Variants in SIPA1L2 observed in about 807,000 individuals in gnomAD.
SIPA1L2 encodes signal-induced proliferation-associated 1-like protein 2.
In SIPA1L2, 56 loss-of-function variants were observed where a neutral mutation model predicts 163.9. The observed-to-expected ratio is 0.34, with a 90% CI of 0.28 to 0.43. The LOEUF (loss-of-function observed/expected upper bound fraction) is 0.43. SIPA1L2 is among the 20% of genes least tolerant of loss of function. The pLI is 1.00. For synonymous variants in SIPA1L2, 877 were observed against 865.7 expected (o/e 1.01, Z -0.23); for missense variants, 1,974 against 2,193.5 (o/e 0.90, Z 2.00).
chr1:232,462,880 A>G (rs1211091657), intron 9 of SIPA1L2, among the ~76,000 whole-genome samples: 7 of 151,816 alleles, frequency 4.6e-5, no homozygotes, highest in Admixed American at 1.3e-4. Flanking sequence ...CACCTCCCCT[A>G]CTTTGTCTTT....
intron 15 of SIPA1L2, among the ~76,000 whole-genome samples, chr1:232,435,796 T>C (rs1662527326): frequency 6.6e-6 from 1 of 152,222 alleles, no homozygotes; most frequent in African/African-American, 2.4e-5. Context: ...AGGCTAGATA[T>C]ATGCTTGTTC....
intron 22 of SIPA1L2, among the ~76,000 whole-genome samples, chr1:232,400,434 G>A (rs1045269541): frequency 2.2e-4 from 34 of 152,092 alleles, no homozygotes; most frequent in Admixed American, 2.0e-3. Context: ...TTTCGTCTTC[G>A]TGCTCTAAGT....
chr1:232,453,928 G>A (rs1350276058), intron 10 of SIPA1L2, among the ~76,000 whole-genome samples: 1 of 152,062 alleles, frequency 6.6e-6, no homozygotes, highest in Non-Finnish European at 1.5e-5. Flanking sequence ...AGGGATTAAA[G>A]TAATCACTGA....
chr1:232,583,691 G>C (rs938592284), intron 1 of SIPA1L2, among the ~76,000 whole-genome samples: 5 of 152,156 alleles, frequency 3.3e-5, no homozygotes, highest in African/African-American at 1.2e-4. Flanking sequence ...CTATTTTAAG[G>C]ACAGCTACTA....
chr1:232,532,060 T>C (rs986366381), intron 2 of SIPA1L2, among the ~76,000 whole-genome samples: 3 of 152,108 alleles, frequency 2.0e-5, no homozygotes, highest in Non-Finnish European at 4.4e-5. Context: ...GACTTAGCCA[T>C]TCTGTTTGCG....
chr1:232,589,210 A>C (rs1193278449), intron 1 of SIPA1L2, among the ~76,000 whole-genome samples: 1 of 152,238 alleles, frequency 6.6e-6, no homozygotes, highest in Admixed American at 6.5e-5. Context: ...TCATTAAGCC[A>C]AATACGTATT....
intron 2 of SIPA1L2, among the ~76,000 whole-genome samples, chr1:232,521,364 T>A (rs1238440043): frequency 6.6e-6 from 1 of 152,162 alleles, no homozygotes; most frequent in East Asian, 1.9e-4. Context: ...TTCATTGGAG[T>A]AAAGCAGGAC....
rs568851496 is a variant in SIPA1L2, at chr1:232,609,666, T to A, written c.-319+20203A>T. ...CAACATAGTGAAACCCTGTCTCTACTAAAAATACAAAAAATTAGCTGGGTG... is the reference window on the plus strand; with the variant it reads ...CAACATAGTGAAACCCTGTCTCTACAAAAAATACAAAAAATTAGCTGGGTG... On this transcript the variant is annotated intron_variant, in intron 1 of 22. Coordinates refer to ENST00000674635, the MANE Select transcript of SIPA1L2 (RefSeq NM_020808.5). 4.6e-5 allele frequency among the ~76,000 whole-genome samples: 7 copies of A among 151,766 alleles called. No homozygotes were observed. In the East Asian group the frequency reaches 1.4e-3, roughly 29 times the overall value.
At chr1:232,530,673 C>T (rs1656862416) in intron 2 of SIPA1L2, among the ~76,000 whole-genome samples, 1 of 152,182 alleles carries the variant, frequency 6.6e-6, no homozygotes, top group Admixed American at 6.5e-5. Context: ...TGTTTATACC[C>T]TGCTTCCTGG....
chr1:232,494,907 AT>A (rs900010045), intron 3 of SIPA1L2, among the ~76,000 whole-genome samples: 1 of 151,888 alleles, frequency 6.6e-6, no homozygotes, highest in African/African-American at 2.4e-5. Flanking sequence ...CAAAAAATCG[AT>A]TTTTTTTCAC....
At chr1:232,428,941 C>T (rs571091371) in intron 16 of SIPA1L2, among the ~76,000 whole-genome samples, 6 of 152,226 alleles carry the variant, frequency 3.9e-5, no homozygotes, top group Admixed American at 3.3e-4. Flanking sequence ...TGTGTGCTCT[C>T]GCGGCTGGAC....
intron 5 of SIPA1L2, among the ~76,000 whole-genome samples, chr1:232,487,730 T>C (rs1459666850): frequency 6.6e-6 from 1 of 152,094 alleles, no homozygotes; most frequent in Non-Finnish European, 1.5e-5. Context: ...TTCTCCACAG[T>C]GTTTGACTCT....
intron 9 of SIPA1L2, among the ~76,000 whole-genome samples, chr1:232,462,896 A>G (rs1664314802): frequency 6.6e-6 from 1 of 151,948 alleles, no homozygotes; most frequent in East Asian, 1.9e-4. Context: ...TCTTTTTGCT[A>G]TTTCTTTATC....
intron 2 of SIPA1L2, among the ~76,000 whole-genome samples, chr1:232,537,782 G>C (rs973241457): frequency 1.3e-5 from 2 of 152,206 alleles, no homozygotes; most frequent in Non-Finnish European, 2.9e-5. Context: ...GGACTGCTGT[G>C]GGGATTAAAT....
chr1:232,548,153 A>G (rs1658151132), intron 2 of SIPA1L2, among the ~76,000 whole-genome samples: 2 of 152,374 alleles, frequency 1.3e-5, no homozygotes, highest in South Asian at 4.1e-4. Context: ...AAAGAAAAAT[A>G]AACACTAGTA....
intron 1 of SIPA1L2, among the ~76,000 whole-genome samples, chr1:232,605,252 G>A (rs527407896): frequency 1.3e-5 from 2 of 152,288 alleles, no homozygotes; most frequent in South Asian, 4.1e-4. Context: ...GGGCTCAAAT[G>A]ATCCACCTTC....
rs962932406 is a variant in SIPA1L2 at position 232,582,930 on chromosome 1, G to A, written c.-318-8708C>T. Among the ~76,000 whole-genome samples the A allele has an allele frequency of 9.9e-5, 15 of 152,258 alleles. No individual in the cohort carries two copies. The East Asian group carries it at 2.1e-3, about 22-fold the overall frequency. ...CAAACAAGATATATAAGGAAGACTC[G>A]TTGGAAACCAATACATCCCTGCTAA... On this transcript the variant is annotated intron_variant, in intron 1 of 22. Coordinates refer to ENST00000674635, the MANE Select transcript of SIPA1L2 (RefSeq NM_020808.5).
intron 19 of SIPA1L2, among the ~76,000 whole-genome samples, chr1:232,408,787 T>C (rs1660785775): frequency 1.3e-5 from 2 of 152,186 alleles, no homozygotes; most frequent in South Asian, 4.1e-4. Flanking sequence ...TCACATTCTT[T>C]AGAAATCTTT....
chr1:232,564,131 GT>G lies in SIPA1L2; in HGVS notation c.-270+10042del, dbSNP rs1659224222. On this transcript the variant is annotated intron_variant, in intron 2 of 22. Transcript: ENST00000674635. ...ATGTTGGCCAGACTGAACGACGAAG[GT>G]TGTTTTTTTTTTTTTTCGTGTGTGT... Among the ~76,000 whole-genome samples the G allele has an allele frequency of 4.1e-5, 3 of 72,936 alleles. 1 individual carries two copies. Among genetic ancestry groups the G allele is most frequent in the African/African-American group, 2.9e-4 (3 of 10,432 alleles). The allele number at this position is 72,936 out of a possible 152,430, so 47.8% of individuals were successfully genotyped here. A position where few individuals can be genotyped will look rare whatever the true frequency, so the allele number is the denominator to read the frequency against.
Sources: gnomAD v4.1 joint callset for allele counts (sites outside exome capture counted in the v4.1 genomes callset) on GRCh38, gnomAD v4.1.1 for gene constraint, MANE v1.5 for transcripts, NCBI Gene and HGNC (gene_info 2026-07-23, HGNC 2026-07-21) for gene names.